The following TNIK variants were observed in gnomAD, a reference collection of about 807,000 sequenced individuals.
The protein encoded by TNIK is TRAF2 and NCK-interacting protein kinase.
A neutral mutation model predicts 191.3 loss-of-function variants in TNIK; 49 were observed. The ratio of observed to expected loss-of-function variants is 0.26; its 90% confidence interval spans 0.20 to 0.32. The LOEUF is 0.32. Ranked by LOEUF, TNIK falls within the 10% of genes least tolerant of loss-of-function variation. TNIK has a pLI of 1.00. For missense variants in TNIK, 1,155 were observed against 1,702.3 expected, an observed-to-expected ratio of 0.68 and a Z score of 5.66; for synonymous variants, 594 against 600.9, an observed-to-expected ratio of 0.99 and a Z score of 0.17.
chr3:171,357,841 G>A (rs753191330), intron 2 of TNIK, among the ~76,000 whole-genome samples: 5 of 152,144 alleles, frequency 3.3e-5, no homozygotes, highest in African/African-American at 7.2e-5. Context: ...CGAATGCCCC[G>A]CAATGTGCTA....
At chr3:171,345,028 G>A (rs1390231625) in intron 2 of TNIK, among the ~76,000 whole-genome samples, 6 of 151,922 alleles carry the variant, frequency 3.9e-5, no homozygotes, top group East Asian at 1.9e-4. Flanking sequence ...TAATGAATTC[G>A]TCTCATGGCC....
At chr3:171,421,920 C>T (rs148279186) in intron 1 of TNIK, among the ~76,000 whole-genome samples, 183 of 151,756 alleles carry the variant, frequency 1.2e-3, no homozygotes, top group African/African-American at 3.5e-3. Flanking sequence ...TTAGTAGAGA[C>T]GGGGTTTCAC....
At chr3:171,386,097 G>A (rs555383157) in intron 1 of TNIK, among the ~76,000 whole-genome samples, 1 of 152,284 alleles carries the variant, frequency 6.6e-6, no homozygotes, top group South Asian at 2.1e-4. Flanking sequence ...TTAGCTACAT[G>A]CACTGTACCT....
intron 1 of TNIK, among the ~76,000 whole-genome samples, chr3:171,437,270 G>A (rs575130371): frequency 6.6e-6 from 1 of 152,168 alleles, no homozygotes; most frequent in Non-Finnish European, 1.5e-5. Flanking sequence ...GGGAGACATC[G>A]GGATAGCATT....
chr3:171,065,685 A>G (rs753220339), intron 32 of TNIK, among the ~76,000 whole-genome samples: 1 of 152,230 alleles, frequency 6.6e-6, no homozygotes, highest in Non-Finnish European at 1.5e-5. Flanking sequence ...GGAATGACAC[A>G]AGACATGGCA....
chr3:171,440,537 G>T (rs1214966005), intron 1 of TNIK, among the ~76,000 whole-genome samples: 1 of 152,202 alleles, frequency 6.6e-6, no homozygotes, highest in African/African-American at 2.4e-5. Flanking sequence ...GTGGAATGGG[G>T]TGGTAGTTAC....
At chr3:171,192,439 G>A (rs558504006) in intron 5 of TNIK, among the ~76,000 whole-genome samples, 1 of 152,332 alleles carries the variant, frequency 6.6e-6, no homozygotes, top group African/African-American at 2.4e-5. Context: ...GTGATCAAAT[G>A]TCTCTTCCAG....
intron 7 of TNIK, among the ~76,000 whole-genome samples, chr3:171,180,719 T>C (rs1264510201): frequency 6.6e-6 from 1 of 152,222 alleles, no homozygotes; most frequent in East Asian, 1.9e-4. Context: ...ACTTAGCAGC[T>C]GGTTTTAAAC....
intron 11 of TNIK, among the ~76,000 whole-genome samples, chr3:171,160,894 G>A (rs894868716): frequency 9.2e-5 from 14 of 152,188 alleles, no homozygotes; most frequent in African/African-American, 2.7e-4. Context: ...GTGAAGTAAC[G>A]AACTGAATAA....
At chr3:171,112,685 GT>G (rs57806036) in intron 18 of TNIK, among the ~76,000 whole-genome samples, 3,596 of 148,882 alleles carry the variant, frequency 0.024, 115 homozygotes, top group African/African-American at 0.073. Context: ...TGCATATTCA[GT>G]TTTTTTTTTC....
chr3:171,150,431 G>C (rs1236007458), intron 12 of TNIK, among the ~76,000 whole-genome samples: 1 of 152,104 alleles, frequency 6.6e-6, no homozygotes, highest in Non-Finnish European at 1.5e-5. Flanking sequence ...TTGGTGAAAG[G>C]GTCACTCGGA....
At chr3:171,444,314 T>G (rs555407206) in intron 1 of TNIK, among the ~76,000 whole-genome samples, 1 of 152,184 alleles carries the variant, frequency 6.6e-6, no homozygotes, top group Non-Finnish European at 1.5e-5. Flanking sequence ...CAACCTGCTG[T>G]CTAGATTCCA....
chr3:171,451,173 T>C (rs1455783528), intron 1 of TNIK, among the ~76,000 whole-genome samples: 3 of 152,200 alleles, frequency 2.0e-5, no homozygotes, highest in African/African-American at 7.2e-5. Flanking sequence ...TGGTGTGTGA[T>C]TTCCAAGGCT....
In TNIK at chr3:171,066,272, C is replaced by T; in HGVS notation, c.3914G>A (p.Arg1305Gln). 6.2e-7 allele frequency: 1 copy of T among 1,613,884 alleles called. No homozygotes were observed. Among genetic ancestry groups the T allele is most frequent in the Non-Finnish European group, 8.5e-7 (1 of 1,179,872 alleles). Reference protein sequence around the residue: ...MGWGEKAIEIRSVETGHLDGV... With the variant: ...MGWGEKAIEIQSVETGHLDGV... ...ATCCAAATGTCCTGTTTCCACTGACCGGATCTCAATAGCTTTCTCGCCCCA... is the reference window on the plus strand; with the variant it reads ...ATCCAAATGTCCTGTTTCCACTGACTGGATCTCAATAGCTTTCTCGCCCCA... The change falls in exon 32 of 33, where the codon CGG becomes CAG. Residue 1305 changes from arginine to glutamine, a missense_variant. Arg to Gln is a conservative substitution (Grantham distance 43). Transcript: ENST00000436636.
intron 2 of TNIK, among the ~76,000 whole-genome samples, chr3:171,316,982 CATATAAAATATATAATTATATGATATATA>C (rs1560419190): frequency 4.3e-4 from 34 of 79,538 alleles, no homozygotes; most frequent in African/African-American, 1.5e-3. Context: ...TGATATATAT[CATATAAAATATATAATTATATGATATATA>C]TCATATAAAA....
chr3:171,359,398 ATCATGATTGT>A (rs1714642748), intron 2 of TNIK, among the ~76,000 whole-genome samples: 1 of 152,226 alleles, frequency 6.6e-6, no homozygotes, highest in South Asian at 2.1e-4. Context: ...GGTTATTATT[ATCATGATTGT>A]TGTAACAGAC....
intron 32 of TNIK, among the ~76,000 whole-genome samples, chr3:171,065,486 CCA>C (rs1281791968): frequency 2.0e-5 from 3 of 152,206 alleles, no homozygotes; most frequent in African/African-American, 7.2e-5. Context: ...TTGGCCACAG[CCA>C]CAAAGGATGA....
chr3:171,435,546 C>G (rs1480568160), intron 1 of TNIK, among the ~76,000 whole-genome samples: 2 of 152,124 alleles, frequency 1.3e-5, no homozygotes, highest in African/African-American at 4.8e-5. Flanking sequence ...AAAGAATGTC[C>G]TTAATCCTAG....
intron 16 of TNIK, among the ~76,000 whole-genome samples, chr3:171,127,196 C>A (rs1728594815): frequency 6.6e-6 from 1 of 152,162 alleles, no homozygotes; most frequent in African/African-American, 2.4e-5. Flanking sequence ...CTGTTTTGTG[C>A]AAGGACCTGT....
Sources: gnomAD v4.1 joint callset for allele counts (sites outside exome capture counted in the v4.1 genomes callset) on GRCh38, gnomAD v4.1.1 for gene constraint, MANE v1.5 for transcripts, NCBI Gene and HGNC (gene_info 2026-07-23, HGNC 2026-07-21) for gene names.